Variants in C2orf72 observed in about 807,000 individuals in gnomAD.
The protein encoded by C2orf72 is uncharacterized protein C2orf72.
In C2orf72, 16 loss-of-function variants were observed where a neutral mutation model predicts 14.4. The observed-to-expected ratio is 1.11, with a 90% CI of 0.75 to 1.69. C2orf72 has a LOEUF of 1.69. Among genes scored for constraint, C2orf72 ranks in the 40% most tolerant of loss-of-function variants. The pLI, the probability that C2orf72 is intolerant of heterozygous loss-of-function variation, is 0.00. For synonymous variants in C2orf72, 168 were observed against 176.8 expected (o/e 0.95, Z 0.40); for missense variants, 371 against 358.3 (o/e 1.04, Z -0.29).
At chr2:231,045,510 C>A (rs889950360) in intron 2 of C2orf72, among the ~76,000 whole-genome samples, 10 of 87,416 alleles carry the variant, frequency 1.1e-4, no homozygotes, top group South Asian at 4.0e-4. Flanking sequence ...GTGTTTCAAT[C>A]TTTTTTTTTT....
At position 231,046,973 on chromosome 2, in the gene C2orf72, T is replaced by C. The variant is rs763486588; in HGVS notation, c.840T>C (p.Cys280=). The change falls in exon 3 of 3, where the codon TGT becomes TGC. Residue 280 remains cysteine, a synonymous_variant. Coordinates refer to ENST00000373640, the MANE Select transcript of C2orf72 (RefSeq NM_001144994.2). ...ACCTTGGAAGGGGGTCAAAAGCCTG[T>C]GATGGAGTCGTACACACTCCTGCTG... ...CDDLGRGSKA[C]DGVVHTPAEP... 6 of 1,551,546 alleles carry C rather than the reference T, an allele frequency of 3.9e-6. No individual in the cohort carries two copies. The South Asian group carries it at 7.1e-5, about 18-fold the overall frequency.
rs757264246 is a variant in C2orf72 at position 231,041,339 on chromosome 2, C to T, written c.678C>T (p.Ala226=). The change falls in exon 2 of 3, where the codon GCC becomes GCT. Residue 226 remains alanine (A), a synonymous_variant. Coordinates refer to ENST00000373640, the MANE Select transcript of C2orf72 (RefSeq NM_001144994.2). Reference sequence around the variant, plus strand: ...GGCCAGGCCTCCCCGGACTGCTAGCCTGCTTTTCCTGGGGTCCCTGGAGCC... The same window carrying T: ...GGCCAGGCCTCCCCGGACTGCTAGCTTGCTTTTCCTGGGGTCCCTGGAGCC... ...WERPGLPGLL[A]CFSWGPWSRR... 8.4e-6 allele frequency: 13 copies of T among 1,551,408 alleles called. No homozygotes were observed. The East Asian group carries it at 2.2e-4, about 26-fold the overall frequency.
chr2:231,038,784 A>G (rs1378721930), intron 1 of C2orf72, among the ~76,000 whole-genome samples: 1 of 151,900 alleles, frequency 6.6e-6, no homozygotes, highest in East Asian at 1.9e-4. Flanking sequence ...GGGAGGTGAG[A>G]GGGACTAAGA....
chr2:231,043,544 A>G (rs991637313), intron 2 of C2orf72, among the ~76,000 whole-genome samples: 1 of 152,260 alleles, frequency 6.6e-6, no homozygotes, highest in Non-Finnish European at 1.5e-5. Context: ...ACTCACTTCT[A>G]TATCATCTTC....
In C2orf72 at chr2:231,037,647, G is replaced by T; in HGVS notation, c.82G>T (p.Gly28Trp). 8.9e-7 allele frequency: 1 copy of T among 1,120,566 alleles called. No homozygotes were observed. The allele number at this position is 1,120,566 out of a possible 1,614,324, so 69.4% of individuals were successfully genotyped here. Residue 28 changes from glycine (G) to tryptophan (W), a missense_variant, in exon 1 of 3, where the codon GGG becomes TGG. Physicochemically the swap from Gly to Trp is radical, Grantham distance 184 (BLOSUM62 -2). Transcript: ENST00000373640. ...CTTCCAGGCGTTGGTGGAAGCGGCG[G>T]GGGGCCGCGGGCAGGTGCTGCTGGT... is the stretch of plus-strand genomic sequence containing the variant. ...PPFQALVEAA[G>W]GRGQVLLVGE...
intron 2 of C2orf72, 83 bp from the exon 3 acceptor site, chr2:231,046,799 G>A (rs1574691437): frequency 5.7e-6 from 8 of 1,401,702 alleles, no homozygotes; most frequent in African/African-American, 4.4e-5. Context: ...ATTTGCTGGG[G>A]ACAACTTTCT....
chr2:231,043,125 C>G (rs552614696), intron 2 of C2orf72, among the ~76,000 whole-genome samples: 4 of 152,346 alleles, frequency 2.6e-5, no homozygotes, highest in African/African-American at 9.6e-5. Flanking sequence ...CCCTGCCATT[C>G]CTTGCTCTCA....
chr2:231,049,142 C>G lies in C2orf72; in HGVS notation c.*2121C>G, dbSNP rs1396113297. On this transcript the variant is annotated 3_prime_UTR_variant, in exon 3 of 3. Transcript: ENST00000373640. ...CCTTTACCCCCTCCCCCGCCCTTCC[C>G]ATCCCCCACTGCACTTCACTCATGT... 1.3e-5 allele frequency: 2 copies of G among 152,156 alleles called. No individual in the cohort carries two copies. Among genetic ancestry groups the G allele is most frequent in the African/African-American group, 2.4e-5 (1 of 41,422 alleles). 9.4% of individuals were successfully genotyped at this position (152,156 alleles called of 1,614,324 possible).
At chr2:231,042,156 C>G (rs1294509351) in intron 2 of C2orf72, among the ~76,000 whole-genome samples, 3 of 152,114 alleles carry the variant, frequency 2.0e-5, no homozygotes, top group Non-Finnish European at 2.9e-5. Context: ...TCACCCGGAG[C>G]CACTCCTAGG....
chr2:231,039,497 C>A (rs1693312272), intron 1 of C2orf72, among the ~76,000 whole-genome samples: 1 of 151,784 alleles, frequency 6.6e-6, no homozygotes, highest in Admixed American at 6.6e-5. Context: ...GGAGTATTGG[C>A]GTTGGTTGGG....
intron 1 of C2orf72, among the ~76,000 whole-genome samples, chr2:231,039,247 A>G (rs2125135940): frequency 6.6e-6 from 1 of 151,310 alleles, no homozygotes; most frequent in East Asian, 1.9e-4. Context: ...TGGGTGCAGC[A>G]CACTAACATG....
intron 2 of C2orf72, among the ~76,000 whole-genome samples, chr2:231,043,521 T>C (rs1693371808): frequency 1.3e-5 from 2 of 152,246 alleles, no homozygotes; most frequent in African/African-American, 2.4e-5. Flanking sequence ...TTGTGCTCTT[T>C]AAAATTTAAT....
chr2:231,046,017 G>A (rs1225031219), intron 2 of C2orf72, among the ~76,000 whole-genome samples: 3 of 152,106 alleles, frequency 2.0e-5, no homozygotes, highest in Non-Finnish European at 2.9e-5. Flanking sequence ...TTAACATGCA[G>A]TGGCAAGAAA....
intron 2 of C2orf72, among the ~76,000 whole-genome samples, chr2:231,043,625 A>G (rs547104250): frequency 6.6e-6 from 1 of 152,348 alleles, no homozygotes; most frequent in Admixed American, 6.5e-5. Flanking sequence ...ATCATTTTGG[A>G]TATACTTGGA....
Position 231,039,595 on chromosome 2 carries a change from C to T in C2orf72, c.634+1396C>T, listed in dbSNP as rs185181762. ...CCAGCCTGGCCTGCCTGGGCGAGCG[C>T]GCCTGCCCTAACCCTCCTCCCTTAG... On this transcript the variant is annotated intron_variant, in intron 1 of 2. Transcript: ENST00000373640. 4.3e-4 allele frequency among the ~76,000 whole-genome samples: 65 copies of T among 152,234 alleles called. 2 individuals carry two copies. The highest frequency in any genetic ancestry group is 1.2e-4 in the Non-Finnish European group (8 of 68,016).
At chr2:231,038,393 G>C (rs1693290417) in intron 1 of C2orf72, among the ~76,000 whole-genome samples, 194 bp downstream of exon 1, 2 of 152,204 alleles carry the variant, frequency 1.3e-5, no homozygotes, top group Admixed American at 1.3e-4. Flanking sequence ...GTCCCGGAAG[G>C]GTCCGGAGTG....
intron 1 of C2orf72, 120 bp downstream of exon 1, chr2:231,038,319 G>T (rs973130855): frequency 5.5e-5 from 46 of 836,312 alleles, no homozygotes; most frequent in Non-Finnish European, 6.7e-5. Context: ...CTCAGAGCAG[G>T]GAGGTGCCTA....
At chr2:231,045,510 CTTTTTTTTTTT>C (rs1007020692) in intron 2 of C2orf72, among the ~76,000 whole-genome samples, 13 of 87,412 alleles carry the variant, frequency 1.5e-4, no homozygotes, top group African/African-American at 5.7e-4. Context: ...GTGTTTCAAT[CTTTTTTTTTTT>C]TTTTTTTTTT....
At chr2:231,039,431 C>T (rs899150858) in intron 1 of C2orf72, among the ~76,000 whole-genome samples, 11 of 151,824 alleles carry the variant, frequency 7.2e-5, no homozygotes, top group Non-Finnish European at 1.2e-4. Flanking sequence ...TTCAAGCCCT[C>T]CAGCCCCTTC....
Sources: gnomAD v4.1 joint callset for allele counts (sites outside exome capture counted in the v4.1 genomes callset) on GRCh38, gnomAD v4.1.1 for gene constraint, MANE v1.5 for transcripts, NCBI Gene and HGNC (gene_info 2026-07-23, HGNC 2026-07-21) for gene names.